Variants in MTMR3 observed in about 807,000 individuals in gnomAD.
MTMR3 encodes the protein phosphatidylinositol-3,5-bisphosphate 3-phosphatase MTMR3.
Under a neutral mutation model 132.4 loss-of-function variants are expected in MTMR3, and 32 were observed. The observed-to-expected ratio is 0.24, with a 90% CI of 0.18 to 0.32. The LOEUF is 0.32. Ranked by LOEUF, MTMR3 falls within the 10% of genes least tolerant of loss-of-function variation. The pLI is 1.00. For missense variants in MTMR3, 1,216 were observed against 1,489.6 expected, an observed-to-expected ratio of 0.82 and a Z score of 3.02; for synonymous variants, 556 against 550.3, an observed-to-expected ratio of 1.01 and a Z score of -0.14.
chr22:29,928,160 A>AT lies in MTMR3; in HGVS notation c.-137-28866dup, dbSNP rs1204369353. On this transcript the variant is annotated intron_variant, in intron 1 of 19. Coordinates refer to ENST00000401950, the MANE Select transcript of MTMR3 (RefSeq NM_021090.4). ...CATCGTCTGTACGGGTAATCACTAC[A>AT]TTTTTTTTTTCTTTTTTTTTTTTTT... is the stretch of plus-strand genomic sequence containing the variant. Among the ~76,000 whole-genome samples the AT allele has an allele frequency of 1.0e-3, 118 of 114,820 alleles. 1 individual carries two copies. The highest frequency in any genetic ancestry group is 1.8e-3 in the Non-Finnish European group (100 of 56,798). 75.3% of individuals were successfully genotyped at this position (114,820 alleles called of 152,430 possible).
intron 1 of MTMR3, among the ~76,000 whole-genome samples, chr22:29,896,766 G>A (rs1272304550): frequency 1.3e-5 from 2 of 151,696 alleles, no homozygotes; most frequent in Non-Finnish European, 1.5e-5. Flanking sequence ...AGTATTAAAT[G>A]GCAAATTTCA....
At chr22:29,921,851 T>C (rs2065420899) in intron 1 of MTMR3, among the ~76,000 whole-genome samples, 1 of 151,708 alleles carries the variant, frequency 6.6e-6, no homozygotes, top group Admixed American at 6.6e-5. Flanking sequence ...CTTTTTTTTT[T>C]TTCTTTTTTT....
At position 29,900,070 on chromosome 22, in the gene MTMR3, A is replaced by G. The variant is rs111595324; in HGVS notation, c.-138+16711A>G. On this transcript the variant is annotated intron_variant, in intron 1 of 19. Coordinates refer to ENST00000401950, the MANE Select transcript of MTMR3 (RefSeq NM_021090.4). ...CTTTTTATTATGATATAAAACAAAC[A>G]TACAGAAGAGTGCACAAATCAAATG... is the stretch of plus-strand genomic sequence containing the variant. 5.3e-3 allele frequency among the ~76,000 whole-genome samples: 808 copies of G among 152,338 alleles called. 3 individuals carry two copies. Among genetic ancestry groups the G allele is most frequent in the African/African-American group, 0.016 (681 of 41,582 alleles).
rs531786421 is a variant in MTMR3, at chr22:29,915,481, A to G, written c.-138+32122A>G. ...CTGCCACCCAGGCTGGAGTGCAGTG[A>G]TGCCATCTTGGCTCACTGCAACCTC... On this transcript the variant is annotated intron_variant, in intron 1 of 19. Coordinates refer to ENST00000401950, the MANE Select transcript of MTMR3 (RefSeq NM_021090.4). Among the ~76,000 whole-genome samples the G allele has an allele frequency of 4.5e-3, 678 of 152,204 alleles. 6 individuals carry two copies. Among genetic ancestry groups the G allele is most frequent in the African/African-American group, 0.015 (640 of 41,512 alleles).
chr22:29,969,539 T>G (rs28632042), intron 2 of MTMR3, among the ~76,000 whole-genome samples: 5 of 148,088 alleles, frequency 3.4e-5, no homozygotes, highest in African/African-American at 5.2e-5. Flanking sequence ...GTTTTTTTGG[T>G]TTTTTTTTGA....
intron 1 of MTMR3, among the ~76,000 whole-genome samples, chr22:29,898,450 T>A (rs1266888399): frequency 6.6e-6 from 1 of 152,128 alleles, no homozygotes; most frequent in Non-Finnish European, 1.5e-5. Context: ...TCCCTCAGGC[T>A]GGAGTGCAAT....
At chr22:30,000,648 G>A (rs974297241) in intron 8 of MTMR3, 3 of 152,094 alleles carry the variant, frequency 2.0e-5, no homozygotes, top group African/African-American at 7.2e-5. Flanking sequence ...AGTTCTTAAT[G>A]TGGACCTTCT....
intron 1 of MTMR3, among the ~76,000 whole-genome samples, chr22:29,913,537 T>G (rs1034039037): frequency 1.3e-5 from 2 of 152,204 alleles, no homozygotes; most frequent in African/African-American, 4.8e-5. Context: ...TTGCCTTTTT[T>G]CTAGGATGTA....
At chr22:30,007,877 T>A (rs1157066685) in intron 10 of MTMR3, 24 bp from the exon 11 acceptor site, 2 of 1,612,666 alleles carry the variant, frequency 1.2e-6, no homozygotes, top group Non-Finnish European at 1.7e-6. Flanking sequence ...TCATTTAGTA[T>A]GCCCTCTCCC....
chr22:29,925,353 T>C (rs1478654066), intron 1 of MTMR3, among the ~76,000 whole-genome samples: 2 of 152,136 alleles, frequency 1.3e-5, no homozygotes, highest in Non-Finnish European at 2.9e-5. Context: ...GACGTCAGTG[T>C]TAATTTGTGT....
At chr22:29,962,913 T>A (rs994488381) in intron 2 of MTMR3, among the ~76,000 whole-genome samples, 188 of 146,974 alleles carry the variant, frequency 1.3e-3, no homozygotes, top group East Asian at 5.8e-4. Flanking sequence ...CTTTTTTCTT[T>A]TTTTTTTTTT....
intron 1 of MTMR3, among the ~76,000 whole-genome samples, chr22:29,900,960 T>C (rs1205608521): frequency 5.9e-5 from 9 of 152,188 alleles, no homozygotes; most frequent in South Asian, 4.1e-4. Flanking sequence ...ATGCTGGGAT[T>C]ACAGGTGTGA....
intron 2 of MTMR3, among the ~76,000 whole-genome samples, chr22:29,963,780 G>A (rs768023331): frequency 6.6e-6 from 1 of 151,618 alleles, no homozygotes; most frequent in African/African-American, 2.4e-5. Context: ...TTTGGTTTCA[G>A]TGAGCCTAGA....
At position 29,954,057 on chromosome 22, in the gene MTMR3, G is replaced by A. The variant is rs1412340315; in HGVS notation, c.-137-2979G>A. Among the ~76,000 whole-genome samples the A allele has an allele frequency of 7.9e-4, 39 of 49,090 alleles. 1 individual carries two copies. In the East Asian group the frequency reaches 0.021, roughly 26 times the overall value. The allele number at this position is 49,090 out of a possible 152,430, so 32.2% of individuals were successfully genotyped here. On this transcript the variant is annotated intron_variant, in intron 1 of 19. Transcript: ENST00000401950. ...GGCCCTTTTTTTTTCTTTCAAATGA[G>A]TCTTTTTTTTTTTTTTTTTTTTTTT...
At chr22:30,009,410 A>T in intron 12 of MTMR3, 1 of 340,402 alleles carries the variant, frequency 2.9e-6, no homozygotes. Flanking sequence ...CAGAAGCATT[A>T]CCTTACTGTT....
intron 10 of MTMR3, chr22:30,007,522 G>C: frequency 1.6e-6 from 1 of 620,156 alleles, no homozygotes; most frequent in South Asian, 2.0e-5. Context: ...CAAGATATTA[G>C]TGTGTTTGTT....
intron 1 of MTMR3, among the ~76,000 whole-genome samples, chr22:29,954,609 CTT>C (rs2066152475): frequency 6.6e-6 from 1 of 152,172 alleles, no homozygotes; most frequent in Non-Finnish European, 1.5e-5. Context: ...CCTGTGGAAA[CTT>C]TACACAAACA....
chr22:29,916,899 C>A (rs1208876703), intron 1 of MTMR3, among the ~76,000 whole-genome samples: 1 of 152,082 alleles, frequency 6.6e-6, no homozygotes, highest in African/African-American at 2.4e-5. Context: ...CCAATTGCTC[C>A]CTAATGCCTA....
intron 1 of MTMR3, among the ~76,000 whole-genome samples, chr22:29,892,662 A>G (rs1337651528): frequency 1.3e-5 from 2 of 152,242 alleles, no homozygotes; most frequent in Non-Finnish European, 2.9e-5. Flanking sequence ...TGTATTAGAA[A>G]AAAATGGGGA....
Sources: gnomAD v4.1 joint callset for allele counts (sites outside exome capture counted in the v4.1 genomes callset) on GRCh38, gnomAD v4.1.1 for gene constraint, MANE v1.5 for transcripts, NCBI Gene and HGNC (gene_info 2026-07-23, HGNC 2026-07-21) for gene names.